The following DOCK10 variants were observed in gnomAD, a reference collection of about 807,000 sequenced individuals.
The protein encoded by DOCK10 is dedicator of cytokinesis protein 10.
DOCK10 carries 145 observed loss-of-function variants against 280.1 expected under a neutral mutation model. The ratio of observed to expected loss-of-function variants is 0.52; its 90% confidence interval spans 0.45 to 0.59. The LOEUF is 0.59. Ranked by LOEUF, DOCK10 falls within the 20% of genes least tolerant of loss-of-function variation. DOCK10 has a pLI of 0.00. For synonymous variants in DOCK10, 915 were observed against 942.2 expected, an observed-to-expected ratio of 0.97 and a Z score of 0.53; for missense variants, 2,368 against 2,651.7, an observed-to-expected ratio of 0.89 and a Z score of 2.35.
Position 224,805,128 on chromosome 2 carries a change from A to T in DOCK10, c.4052-4T>A. ...TGCCAGTAGGCAATCAGAGTCTCTA[A>T]AAGGAAACACCAGGTAGTATGAGAA... is the stretch of plus-strand genomic sequence containing the variant. On this transcript the variant is annotated splice_polypyrimidine_tract_variant and splice_region_variant and intron_variant, in intron 36 of 55. Transcript: ENST00000258390. The surrounding 1 kb of genome is among the most constrained non-coding windows in gnomAD (Gnocchi z 4.3). 1 of 1,610,682 alleles carries T rather than the reference A, an allele frequency of 6.2e-7. No individual in the cohort carries two copies. Among genetic ancestry groups the T allele is most frequent in the Non-Finnish European group, 8.5e-7 (1 of 1,178,792 alleles).
In DOCK10 at chr2:224,818,398, C is replaced by CTTTTT. The variant is rs386392783; in HGVS notation, c.3267+1043_3267+1047dup. On this transcript the variant is annotated intron_variant, in intron 29 of 55. Transcript: ENST00000258390. Reference sequence around the variant, plus strand: ...GTGCTTGAAAAGGCCTGGCCCCTGCCTTTTTTTTTTTTTTTTTTGAGACGG... The same window carrying CTTTTT: ...GTGCTTGAAAAGGCCTGGCCCCTGCCTTTTTTTTTTTTTTTTTTTTTTTGAGACGG... Among the ~76,000 whole-genome samples, 39 of 126,444 alleles carry CTTTTT rather than the reference C, an allele frequency of 3.1e-4. 2 individuals are homozygous for CTTTTT. The highest frequency in any genetic ancestry group is 6.2e-4 in the Non-Finnish European group (38 of 61,740). 83.0% of individuals were successfully genotyped at this position (126,444 alleles called of 152,430 possible). A position where few individuals can be genotyped will look rare whatever the true frequency, so the allele number is the denominator to read the frequency against.
chr2:224,818,282 C>G (rs1464591209), intron 29 of DOCK10, among the ~76,000 whole-genome samples: 1 of 152,108 alleles, frequency 6.6e-6, no homozygotes, highest in African/African-American at 2.4e-5. Flanking sequence ...TGTAAGTACA[C>G]TCTATGATAG....
In DOCK10 at chr2:224,823,625, G is replaced by A. The variant is rs1694653538; in HGVS notation, c.3059C>T (p.Pro1020Leu). ...KIQLPRPQRFPESYQNELDNL... is the reference protein window; with the variant it reads ...KIQLPRPQRFLESYQNELDNL... ...GTCCAATTCATTTTGGTAAGATTCA[G>A]GAAATCTCTGAGGCCGGGGAAGCTA... Residue 1020 changes from proline to leucine, a missense_variant, in exon 28 of 56, where the codon CCT becomes CTT. Around this residue, in one of 2 missense-constraint regions of DOCK10, gnomAD observed 1,209 missense variants for 1,250.9 expected, o/e 0.97. Transcript: ENST00000258390. 6.2e-7 allele frequency: 1 copy of A among 1,600,638 alleles called. No individual in the cohort carries two copies. The highest frequency in any genetic ancestry group is 1.8e-5 in the Admixed American group (1 of 56,738).
rs559422206 is a variant in DOCK10, at chr2:224,777,427, G to A, written c.5802+711C>T. On this transcript the variant is annotated intron_variant, in intron 51 of 55. Coordinates refer to ENST00000258390, the MANE Select transcript of DOCK10 (RefSeq NM_014689.3). The stretch of plus-strand genomic sequence containing the variant: ...GCCAGTACAGCTAGGATAAAAGTAG[G>A]CAGAGGAATGTGGAAGGATTAGACT... Among the ~76,000 whole-genome samples the A allele has an allele frequency of 1.2e-4, 18 of 152,284 alleles. No individual in the cohort carries two copies. In the South Asian group the frequency reaches 1.7e-3, roughly 14 times the overall value.
chr2:224,765,502 G>A lies in DOCK10; in HGVS notation c.*219C>T. The A allele has an allele frequency of 2.2e-6, 1 of 453,240 alleles. No individual in the cohort carries two copies. Among genetic ancestry groups the A allele is most frequent in the Non-Finnish European group, 3.9e-6 (1 of 253,662 alleles). 28.1% of individuals were successfully genotyped at this position (453,240 alleles called of 1,614,324 possible). A position where few individuals can be genotyped will look rare whatever the true frequency, so the allele number is the denominator to read the frequency against. On this transcript the variant is annotated 3_prime_UTR_variant, in exon 56 of 56. Transcript: ENST00000258390. The stretch of plus-strand genomic sequence containing the variant: ...AGCTACACATTCACTGGAATTTCAT[G>A]GCAAATATTCAACCTGGCTTGATCA...
chr2:224,892,824 T>G (rs543472778), intron 4 of DOCK10, among the ~76,000 whole-genome samples: 62 of 152,376 alleles, frequency 4.1e-4, no homozygotes, highest in Non-Finnish European at 6.6e-4. Flanking sequence ...ATCCGGTTTT[T>G]AATAAGCCAC....
At chr2:224,882,890 G>T (rs1699056289) in intron 7 of DOCK10, among the ~76,000 whole-genome samples, 1 of 152,142 alleles carries the variant, frequency 6.6e-6, no homozygotes, top group African/African-American at 2.4e-5. Flanking sequence ...TACACATCTG[G>T]AAGAACTATA....
intron 2 of DOCK10, among the ~76,000 whole-genome samples, chr2:224,923,070 G>A (rs570769872): frequency 1.8e-4 from 27 of 152,208 alleles, no homozygotes; most frequent in African/African-American, 6.0e-4. Context: ...GAAGAGTATT[G>A]TTGTGATTTT....
At chr2:224,917,261 A>C (rs958961793) in intron 2 of DOCK10, among the ~76,000 whole-genome samples, 1 of 151,494 alleles carries the variant, frequency 6.6e-6, no homozygotes, top group African/African-American at 2.4e-5. Flanking sequence ...GCCCACCACC[A>C]CCCCCAGCTA....
intron 1 of DOCK10, among the ~76,000 whole-genome samples, chr2:225,014,102 T>TG (rs1420825647): frequency 2.7e-5 from 4 of 147,836 alleles, no homozygotes; most frequent in Non-Finnish European, 4.5e-5. Context: ...TTTTTTGTTT[T>TG]TTTTTTTAAG....
chr2:224,869,445 T>C (rs543303417), intron 11 of DOCK10, among the ~76,000 whole-genome samples: 1 of 152,290 alleles, frequency 6.6e-6, no homozygotes, highest in South Asian at 2.1e-4. Context: ...TTAAGAACAA[T>C]GAGTTTAAAA....
In DOCK10 at chr2:224,770,861, T is replaced by C. The variant is rs115296443; in HGVS notation, c.6205-216A>G. On this transcript the variant is annotated intron_variant, in intron 53 of 55. Coordinates refer to ENST00000258390, the MANE Select transcript of DOCK10 (RefSeq NM_014689.3). The surrounding 1 kb of genome is among the most constrained non-coding windows in gnomAD (Gnocchi z 4.5). ...ACCTTTCACTAACAAACTTCCCAAATTTCAGTCCTTTGCCAACCCCTTCAC... is the reference window on the plus strand; with the variant it reads ...ACCTTTCACTAACAAACTTCCCAAACTTCAGTCCTTTGCCAACCCCTTCAC... Among the ~76,000 whole-genome samples, 2,722 of 152,012 alleles carry C rather than the reference T, an allele frequency of 0.018. 73 individuals are homozygous for C. Among genetic ancestry groups the C allele is most frequent in the African/African-American group, 0.058 (2,379 of 41,340 alleles).
chr2:224,900,152 C>T (rs1047812324), intron 3 of DOCK10, among the ~76,000 whole-genome samples: 2 of 152,056 alleles, frequency 1.3e-5, no homozygotes, highest in African/African-American at 2.4e-5. Context: ...TAAACATGTA[C>T]ACTCATGCAT....
At chr2:224,822,025 A>T (rs1372892363) in intron 28 of DOCK10, among the ~76,000 whole-genome samples, 1 of 152,206 alleles carries the variant, frequency 6.6e-6, no homozygotes, top group Non-Finnish European at 1.5e-5. Flanking sequence ...AGGCTGGATT[A>T]AAGCTCACCA....
chr2:224,986,206 T>C (rs9989765), intron 1 of DOCK10, among the ~76,000 whole-genome samples: 7,200 of 152,312 alleles, frequency 0.047, 244 homozygotes, highest in Middle Eastern at 0.082. Flanking sequence ...TGCTAACAGA[T>C]GCTTGTCTTG....
intron 7 of DOCK10, among the ~76,000 whole-genome samples, chr2:224,878,534 G>T (rs1698776948): frequency 6.6e-6 from 1 of 152,200 alleles, no homozygotes; most frequent in Non-Finnish European, 1.5e-5. Context: ...ACTTGACATT[G>T]CCCCGGCACA....
At chr2:224,955,593 A>C (rs1703990518) in intron 1 of DOCK10, among the ~76,000 whole-genome samples, 2 of 152,254 alleles carry the variant, frequency 1.3e-5, no homozygotes, top group African/African-American at 4.8e-5. Context: ...CCACCAGGAG[A>C]TAAAGCTAAT....
intron 3 of DOCK10, among the ~76,000 whole-genome samples, chr2:224,909,265 T>G (rs114577263): frequency 6.6e-6 from 1 of 152,240 alleles, no homozygotes; most frequent in Non-Finnish European, 1.5e-5. Flanking sequence ...GTGGGAGTGG[T>G]GCTTGTTTTA....
intron 1 of DOCK10, among the ~76,000 whole-genome samples, chr2:224,934,806 A>G (rs1184611912): frequency 6.6e-6 from 1 of 152,212 alleles, no homozygotes; most frequent in African/African-American, 2.4e-5. Flanking sequence ...GTATGTGCCA[A>G]GATTACTCTG....
Sources: allele counts gnomAD v4.1 joint callset (sites outside exome capture counted in the v4.1 genomes callset), GRCh38; gene constraint gnomAD v4.1.1; regional missense constraint gnomAD v4.1.1; non-coding constraint Gnocchi (gnomAD v3.1); transcripts MANE v1.5; gene names NCBI Gene and HGNC (gene_info 2026-07-23, HGNC 2026-07-21).